STK32C: variants seen among roughly 807,000 people sequenced by gnomAD.
The protein encoded by STK32C is serine/threonine-protein kinase 32C.
A neutral mutation model predicts 56.5 loss-of-function variants in STK32C; 31 were observed. The observed-to-expected ratio is 0.55, with a 90% CI of 0.41 to 0.74. STK32C has a LOEUF of 0.74. Ranked by LOEUF, STK32C falls within the 30% of genes least tolerant of loss-of-function variation. The pLI is 0.00. For synonymous variants in STK32C, 309 were observed against 289.4 expected (o/e 1.07, Z -0.69); for missense variants, 544 against 676.9 (o/e 0.80, Z 2.18).
At chr10:132,229,123 C>T (rs976261786) in intron 2 of STK32C, among the ~76,000 whole-genome samples, 2 of 152,206 alleles carry the variant, frequency 1.3e-5, no homozygotes, top group African/African-American at 4.8e-5. Flanking sequence ...AAAGGGAAGC[C>T]AGGAATTAAG....
In STK32C at chr10:132,249,575, C is replaced by T. The variant is rs114324584; in HGVS notation, c.263-3620G>A. ...CTCAAGGACCTGTTGGCCCAGACCC[C>T]GCAAGGTGAGTCAGGGGCACTGGCA... On this transcript the variant is annotated intron_variant, in intron 1 of 11. Coordinates refer to ENST00000298630, the MANE Select transcript of STK32C (RefSeq NM_173575.4). 6.3e-3 allele frequency among the ~76,000 whole-genome samples: 964 copies of T among 152,254 alleles called. 14 individuals carry two copies. Among genetic ancestry groups the T allele is most frequent in the African/African-American group, 0.021 (892 of 41,562 alleles).
At chr10:132,295,032 T>C (rs1412968154) in intron 1 of STK32C, among the ~76,000 whole-genome samples, 1 of 151,968 alleles carries the variant, frequency 6.6e-6, no homozygotes, top group Non-Finnish European at 1.5e-5. Context: ...CTGTGCCACT[T>C]CAGTAAACCC....
chr10:132,284,470 G>T (rs1474534180), intron 1 of STK32C, among the ~76,000 whole-genome samples: 1 of 151,220 alleles, frequency 6.6e-6, no homozygotes, highest in Non-Finnish European at 1.5e-5. Flanking sequence ...GGCAGGTGAG[G>T]TTGGGAGGGC....
intron 8 of STK32C, among the ~76,000 whole-genome samples, chr10:132,224,082 G>A (rs1054929020): frequency 2.7e-5 from 4 of 150,152 alleles, no homozygotes; most frequent in Middle Eastern, 3.2e-3. Flanking sequence ...ACAAGGGGAC[G>A]TGGCTCAGGG....
intron 1 of STK32C, among the ~76,000 whole-genome samples, chr10:132,289,265 A>C (rs1162672828): frequency 6.6e-6 from 1 of 152,216 alleles, no homozygotes; most frequent in Non-Finnish European, 1.5e-5. Flanking sequence ...ACAAAAATTA[A>C]TTTTAAATGT....
chr10:132,319,207 C>A (rs542588104), downstream of STK32C, among the ~76,000 whole-genome samples: 43 of 152,220 alleles, frequency 2.8e-4, no homozygotes, highest in Non-Finnish European at 4.9e-4. Flanking sequence ...CCTCGGCCTC[C>A]CAAAGTGCTG....
rs953667850 is a variant in STK32C, at chr10:132,324,198, C to T, written c.*36G>A. 7.7e-6 allele frequency: 6 copies of T among 778,148 alleles called. No homozygotes were observed. The African/African-American group carries it at 1.0e-4, about 13-fold the overall frequency. 48.2% of individuals were successfully genotyped at this position (778,148 alleles called of 1,614,324 possible). A position where few individuals can be genotyped will look rare whatever the true frequency, so the allele number is the denominator to read the frequency against. ...TCCCTGGGTACTGAGACAAGTTCAC[C>T]ACTTTGGCTCATCTGAGAAATTCAT... is the stretch of plus-strand genomic sequence containing the variant. On this transcript the variant is annotated 3_prime_UTR_variant, in exon 2 of 2. Coordinates refer to the STK32C transcript ENST00000368619.
chr10:132,331,367 A>T, intron 1 of STK32C: 1 of 1,490,006 alleles, frequency 6.7e-7, no homozygotes, highest in South Asian at 1.3e-5. Flanking sequence ...CCACGCGAGC[A>T]CCTCCCCTCC....
chr10:132,258,699 C>T lies in STK32C; in HGVS notation c.263-12744G>A, dbSNP rs527454078. ...GCTGTCCACGCTGACGCTGTGAGGG[C>T]CAGCAGGCCCTGGAAAGGAGCTGCT... On this transcript the variant is annotated intron_variant, in intron 1 of 11. Coordinates refer to ENST00000298630, the MANE Select transcript of STK32C (RefSeq NM_173575.4). Among the ~76,000 whole-genome samples the T allele has an allele frequency of 2.6e-5, 4 of 152,346 alleles. No individual in the cohort carries two copies. The East Asian group carries it at 7.7e-4, about 29-fold the overall frequency.
At chr10:132,297,656 A>G (rs1223845287) in intron 1 of STK32C, among the ~76,000 whole-genome samples, 1 of 152,348 alleles carries the variant, frequency 6.6e-6, no homozygotes, top group African/African-American at 2.4e-5. Flanking sequence ...TGTTTACAAG[A>G]AAAAGGAAAA....
chr10:132,217,314 T>C (rs1348826516), intron 10 of STK32C, among the ~76,000 whole-genome samples: 1 of 152,240 alleles, frequency 6.6e-6, no homozygotes, highest in Non-Finnish European at 1.5e-5. Flanking sequence ...AGCCCCTTTG[T>C]TTTGGCCAAT....
intron 2 of STK32C, among the ~76,000 whole-genome samples, chr10:132,231,306 G>A (rs1159192075): frequency 6.6e-6 from 1 of 152,242 alleles, no homozygotes; most frequent in African/African-American, 2.4e-5. Flanking sequence ...CTGGATGGTG[G>A]AGCCATCAGC....
intron 10 of STK32C, among the ~76,000 whole-genome samples, chr10:132,212,519 T>G (rs1055722271): frequency 7.2e-5 from 11 of 152,038 alleles, no homozygotes; most frequent in Non-Finnish European, 1.6e-4. Context: ...AGGTGATGGA[T>G]CCTTAGACAA....
intron 1 of STK32C, among the ~76,000 whole-genome samples, chr10:132,247,460 G>A (rs962222482): frequency 5.3e-5 from 8 of 152,278 alleles, no homozygotes; most frequent in Admixed American, 1.3e-4. Flanking sequence ...AAGGACCCAC[G>A]GAGGCTTCAG....
intron 1 of STK32C, among the ~76,000 whole-genome samples, chr10:132,286,860 C>T (rs2065419487): frequency 6.6e-6 from 1 of 152,202 alleles, no homozygotes; most frequent in Non-Finnish European, 1.5e-5. Flanking sequence ...GATGTCTGCT[C>T]TCACTTCTAC....
chr10:132,234,560 A>G (rs1168968911), intron 2 of STK32C, among the ~76,000 whole-genome samples: 2 of 151,926 alleles, frequency 1.3e-5, no homozygotes, highest in African/African-American at 4.8e-5. Flanking sequence ...AAAGGGTTTC[A>G]CCCTCCACAC....
At chr10:132,254,520 G>A (rs1335228287) in intron 1 of STK32C, among the ~76,000 whole-genome samples, 6 of 128,206 alleles carry the variant, frequency 4.7e-5, no homozygotes, top group Non-Finnish European at 8.2e-5. Context: ...GCCCAGGAGA[G>A]TAAAATAAGC....
chr10:132,246,491 C>T (rs902274481), intron 1 of STK32C, among the ~76,000 whole-genome samples: 10 of 152,198 alleles, frequency 6.6e-5, no homozygotes, highest in East Asian at 1.9e-4. Context: ...AGATGAACAA[C>T]GAGAGGCGGC....
chr10:132,317,000 C>CAAA (rs71472739), intron 1 of STK32C, among the ~76,000 whole-genome samples: 1 of 81,744 alleles, frequency 1.2e-5, no homozygotes, highest in African/African-American at 5.3e-5. Context: ...GACTCCATCT[C>CAAA]AAAAAAAAAA....
Sources: gnomAD v4.1 joint callset for allele counts (sites outside exome capture counted in the v4.1 genomes callset) on GRCh38, gnomAD v4.1.1 for gene constraint, MANE v1.5 for transcripts, NCBI Gene and HGNC (gene_info 2026-07-23, HGNC 2026-07-21) for gene names.